Variants in RAB3C observed in about 807,000 individuals in gnomAD.
The protein encoded by RAB3C is RAB3C, member RAS oncogene family, also known as ras-related protein Rab-3C.
A neutral mutation model predicts 26.4 loss-of-function variants in RAB3C; 17 were observed. That is an observed-to-expected ratio of 0.64 (90% confidence interval 0.44 to 0.97). RAB3C has a LOEUF of 0.97. Among genes scored for constraint, RAB3C ranks in the 50% least tolerant of loss-of-function variants. RAB3C has a pLI of 0.00. For missense variants in RAB3C, 242 were observed against 281.9 expected (o/e 0.86, Z 1.01); for synonymous variants, 91 against 95.9 (o/e 0.95, Z 0.30).
chr5:58,638,406 A>C (rs1747332537), intron 2 of RAB3C, among the ~76,000 whole-genome samples: 1 of 151,372 alleles, frequency 6.6e-6, no homozygotes, highest in African/African-American at 2.4e-5. Context: ...AATTCTTTGC[A>C]TTTTGTTTAT....
At chr5:58,758,270 C>G (rs989223967) in intron 3 of RAB3C, among the ~76,000 whole-genome samples, 5 of 151,962 alleles carry the variant, frequency 3.3e-5, no homozygotes, top group Admixed American at 6.6e-5. Flanking sequence ...TGATATAGAC[C>G]TATAAATTTT....
intron 3 of RAB3C, among the ~76,000 whole-genome samples, chr5:58,808,224 C>CAAAAAAA (rs773339041): frequency 4.6e-4 from 29 of 63,612 alleles, no homozygotes; most frequent in African/African-American, 1.2e-3. Flanking sequence ...GACTCCGTCT[C>CAAAAAAA]AAAAAAAAAA....
chr5:58,833,111 A>G (rs1439305854), intron 4 of RAB3C, among the ~76,000 whole-genome samples: 1 of 152,134 alleles, frequency 6.6e-6, no homozygotes, highest in Admixed American at 6.5e-5. Context: ...TTAGGGCAGT[A>G]CTGTTTTTTG....
chr5:58,647,519 G>A (rs1299582256), intron 2 of RAB3C: 1 of 152,080 alleles, frequency 6.6e-6, no homozygotes, highest in African/African-American at 2.4e-5. Flanking sequence ...GGGATTATGG[G>A]GATTACAATT....
intron 2 of RAB3C, among the ~76,000 whole-genome samples, chr5:58,671,450 A>G (rs1748117529): frequency 6.6e-6 from 1 of 152,220 alleles, no homozygotes; most frequent in Admixed American, 6.5e-5. Flanking sequence ...GTTTCTAGTT[A>G]GGATTCTTAC....
intron 4 of RAB3C, among the ~76,000 whole-genome samples, chr5:58,850,072 G>A (rs1424930764): frequency 2.6e-5 from 4 of 152,178 alleles, no homozygotes; most frequent in African/African-American, 4.8e-5. Context: ...TCCCCTGAAT[G>A]GACCAGAGCA....
At chr5:58,697,181 C>G (rs1748726058) in intron 2 of RAB3C, among the ~76,000 whole-genome samples, 1 of 152,092 alleles carries the variant, frequency 6.6e-6, no homozygotes, top group Admixed American at 6.6e-5. Context: ...TCGTTATTTA[C>G]CCAGTAGTCA....
chr5:58,702,097 C>T (rs1235959854), intron 2 of RAB3C, among the ~76,000 whole-genome samples: 2 of 152,184 alleles, frequency 1.3e-5, no homozygotes, highest in Admixed American at 1.3e-4. Context: ...TTTCTGATCT[C>T]AACCTACAAT....
intron 3 of RAB3C, among the ~76,000 whole-genome samples, chr5:58,777,632 C>G (rs2111996626): frequency 7.0e-6 from 1 of 141,968 alleles, no homozygotes; most frequent in African/African-American, 2.6e-5. Flanking sequence ...TTATAGGGTA[C>G]ATGTGCACAA....
At chr5:58,785,736 C>A (rs2112007417) in intron 3 of RAB3C, among the ~76,000 whole-genome samples, 1 of 152,322 alleles carries the variant, frequency 6.6e-6, no homozygotes. Context: ...ATTAAGGTTG[C>A]AGATGGAATT....
chr5:58,615,220 C>T, intron 1 of RAB3C, among the ~76,000 whole-genome samples: 1 of 152,096 alleles, frequency 6.6e-6, no homozygotes, highest in East Asian at 1.9e-4. Flanking sequence ...TTGAATGCCA[C>T]CGTAGGGTTA....
rs563943696 is a variant in RAB3C, at chr5:58,748,699, T to A, written c.371+22579T>A. ...GTCCTAGATATTCCTTTAGGAAGAA[T>A]TTAGAACAAAGTATAGGAAATCATT... On this transcript the variant is annotated intron_variant, in intron 3 of 4. Coordinates refer to ENST00000282878, the MANE Select transcript of RAB3C (RefSeq NM_138453.4). Among the ~76,000 whole-genome samples, 5 of 152,288 alleles carry A rather than the reference T, an allele frequency of 3.3e-5. No homozygotes were observed. In the South Asian group the frequency reaches 1.0e-3, roughly 32 times the overall value.
chr5:58,802,066 T>A (rs1166454312), intron 3 of RAB3C, among the ~76,000 whole-genome samples: 1 of 152,136 alleles, frequency 6.6e-6, no homozygotes, highest in Admixed American at 6.5e-5. Flanking sequence ...TCTCAATGAA[T>A]CATTAGAGTA....
At chr5:58,818,577 G>T (rs558691784) in intron 3 of RAB3C, among the ~76,000 whole-genome samples, 1 of 152,298 alleles carries the variant, frequency 6.6e-6, no homozygotes, top group African/African-American at 2.4e-5. Context: ...GCACTGGTAA[G>T]GTCTGAGTTA....
intron 2 of RAB3C, among the ~76,000 whole-genome samples, chr5:58,627,396 C>G (rs1369254477): frequency 1.2e-5 from 1 of 82,686 alleles, no homozygotes; most frequent in Admixed American, 1.5e-4. Context: ...ACCCGGGAAG[C>G]GGAGCTTGCA....
intron 3 of RAB3C, among the ~76,000 whole-genome samples, chr5:58,780,870 T>C (rs1008594328): frequency 2.6e-5 from 4 of 152,012 alleles, no homozygotes; most frequent in Non-Finnish European, 5.9e-5. Context: ...AAATATATCA[T>C]AGTAGTCACA....
chr5:58,685,408 C>G (rs1003525339), intron 2 of RAB3C, among the ~76,000 whole-genome samples: 1 of 152,170 alleles, frequency 6.6e-6, no homozygotes, highest in Non-Finnish European at 1.5e-5. Flanking sequence ...AGAATCTTCT[C>G]TCTTTAACTT....
At chr5:58,844,539 T>G (rs1743946119) in intron 4 of RAB3C, among the ~76,000 whole-genome samples, 1 of 152,214 alleles carries the variant, frequency 6.6e-6, no homozygotes, top group African/African-American at 2.4e-5. Context: ...AATATGCCAG[T>G]TTGTCCTGCT....
At chr5:58,750,612 C>A (rs1741501375) in intron 3 of RAB3C, among the ~76,000 whole-genome samples, 1 of 152,142 alleles carries the variant, frequency 6.6e-6, no homozygotes, top group Non-Finnish European at 1.5e-5. Flanking sequence ...GAAATTAGGT[C>A]TCTGACTCTC....
Sources: allele counts gnomAD v4.1 joint callset (sites outside exome capture counted in the v4.1 genomes callset), GRCh38; gene constraint gnomAD v4.1.1; transcripts MANE v1.5; gene names NCBI Gene and HGNC (gene_info 2026-07-23, HGNC 2026-07-21).